LRRC7: variants seen among roughly 807,000 people sequenced by gnomAD.
LRRC7 encodes leucine rich repeat containing 7, also known as leucine-rich repeat-containing protein 7.
A neutral mutation model predicts 175.7 loss-of-function variants in LRRC7; 23 were observed. The observed-to-expected ratio is 0.13, with a 90% CI of 0.09 to 0.19. The LOEUF is 0.19. LRRC7 is among the 10% of genes least tolerant of loss of function. The probability of loss-of-function intolerance (pLI) is 1.00; values close to 1 mark genes in which losing one functional copy is unlikely to be tolerated. For missense variants in LRRC7, 1,354 were observed against 1,904.7 expected (o/e 0.71, Z 5.38); for synonymous variants, 685 against 680.9 (o/e 1.01, Z -0.09).
Position 70,144,212 on chromosome 1 carries a change from C to CA in LRRC7, c.*22329dup, listed in dbSNP as rs1667210630. 6.6e-6 allele frequency: 1 copy of CA among 152,148 alleles called. No individual in the cohort carries two copies. The highest frequency in any genetic ancestry group is 2.1e-4 in the South Asian group (1 of 4,826). The allele number at this position is 152,148 out of a possible 1,614,324, so 9.4% of individuals were successfully genotyped here. A position where few individuals can be genotyped will look rare whatever the true frequency, so the allele number is the denominator to read the frequency against. On this transcript the variant is annotated 3_prime_UTR_variant, in exon 27 of 27. Coordinates refer to ENST00000651989, the MANE Select transcript of LRRC7 (RefSeq NM_001370785.2). Reference sequence around the variant, plus strand: ...TTTGAAGATGCTTTCTGTACAGATACAAAATACAGGGACTAAAATAATGCT... The same window carrying CA: ...TTTGAAGATGCTTTCTGTACAGATACAAAAATACAGGGACTAAAATAATGCT...
Position 70,043,999 on chromosome 1 carries a change from T to G in LRRC7, c.4015T>G (p.Tyr1339Asp). 6.2e-7 allele frequency: 1 copy of G among 1,613,524 alleles called. No homozygotes were observed. The highest frequency in any genetic ancestry group is 8.5e-7 in the Non-Finnish European group (1 of 1,179,604). ...TACAGTTAACCTTGGCATGCTGCCC[T>G]ATGGAGGTATTTCAGCAATGCATGC... ...HNTVNLGMLP[Y>D]GGISAMHAGR... Residue 1339 changes from tyrosine (Y) to aspartate (D), a missense_variant, in exon 22 of 27, where the codon TAT becomes GAT. Physicochemically the swap from Tyr to Asp is radical, Grantham distance 160. Coordinates refer to ENST00000651989, the MANE Select transcript of LRRC7 (RefSeq NM_001370785.2).
intron 4 of LRRC7, among the ~76,000 whole-genome samples, chr1:69,814,436 C>A (rs932144390): frequency 6.6e-6 from 1 of 152,044 alleles, no homozygotes; most frequent in African/African-American, 2.4e-5. Context: ...ATAATTTTAT[C>A]TAGAATTTTT....
chr1:69,740,563 A>C (rs1668600680), intron 2 of LRRC7, among the ~76,000 whole-genome samples: 1 of 152,116 alleles, frequency 6.6e-6, no homozygotes, highest in Non-Finnish European at 1.5e-5. Flanking sequence ...AGATTTACGG[A>C]CAGCAAAAGG....
chr1:69,802,153 T>C (rs542743800), intron 4 of LRRC7, among the ~76,000 whole-genome samples: 3 of 151,510 alleles, frequency 2.0e-5, no homozygotes, highest in Non-Finnish European at 3.0e-5. Context: ...TCTATCTATA[T>C]TGGAGAATAC....
chr1:69,910,064 G>T (rs535579714), intron 7 of LRRC7, among the ~76,000 whole-genome samples: 1 of 151,870 alleles, frequency 6.6e-6, no homozygotes, highest in South Asian at 2.1e-4. Context: ...TGATCGCATC[G>T]GCTCCTGAGG....
At chr1:69,934,832 A>G (rs1276801748) in intron 8 of LRRC7, among the ~76,000 whole-genome samples, 1 of 151,934 alleles carries the variant, frequency 6.6e-6, no homozygotes, top group East Asian at 1.9e-4. Context: ...CCTAGTCTAG[A>G]CCCAGCTTCC....
At chr1:69,794,262 T>A (rs1465804434) in intron 4 of LRRC7, among the ~76,000 whole-genome samples, 1 of 149,668 alleles carries the variant, frequency 6.7e-6, no homozygotes. Context: ...AAGTAAAACA[T>A]GTTTCCTGAA....
chr1:69,845,141 C>T (rs1682204423), intron 7 of LRRC7, among the ~76,000 whole-genome samples: 1 of 151,968 alleles, frequency 6.6e-6, no homozygotes, highest in African/African-American at 2.4e-5. Flanking sequence ...TTCCCAGCTA[C>T]AAGGGAGGCT....
At chr1:69,740,655 G>T (rs747569372) in intron 2 of LRRC7, among the ~76,000 whole-genome samples, 5 of 152,046 alleles carry the variant, frequency 3.3e-5, no homozygotes, top group Non-Finnish European at 7.4e-5. Context: ...TTCGAACAGG[G>T]TTCGAGCAGT....
chr1:69,997,937 C>T (rs1403500058), intron 11 of LRRC7, among the ~76,000 whole-genome samples: 1 of 152,008 alleles, frequency 6.6e-6, no homozygotes, highest in Admixed American at 6.6e-5. Flanking sequence ...GGGAGGATTC[C>T]CTCTTTTTCT....
At chr1:69,678,245 G>A in intron 1 of LRRC7, 136 bp from the exon 2 acceptor site, 1 of 620,778 alleles carries the variant, frequency 1.6e-6, no homozygotes, top group Non-Finnish European at 2.9e-6. Flanking sequence ...CTCCCTGCCA[G>A]CTTGCTCCTT....
intron 23 of LRRC7, among the ~76,000 whole-genome samples, chr1:70,058,338 T>G (rs1359943874): frequency 2.0e-5 from 3 of 152,166 alleles, no homozygotes; most frequent in Admixed American, 2.0e-4. Flanking sequence ...TGTCTATTAG[T>G]ATTAAAAGTT....
chr1:69,807,098 A>G (rs1677207718), intron 4 of LRRC7, among the ~76,000 whole-genome samples: 2 of 152,006 alleles, frequency 1.3e-5, no homozygotes, highest in Non-Finnish European at 2.9e-5. Context: ...AGTATGTTTT[A>G]TCAGAGACTA....
intron 2 of LRRC7, among the ~76,000 whole-genome samples, chr1:69,726,035 GA>G (rs1666942944): frequency 6.6e-6 from 1 of 152,204 alleles, no homozygotes; most frequent in African/African-American, 2.4e-5. Flanking sequence ...TTAACCTAGA[GA>G]AAGATGGAAC....
At chr1:69,786,782 G>A (rs1674498508) in intron 3 of LRRC7, among the ~76,000 whole-genome samples, 1 of 152,106 alleles carries the variant, frequency 6.6e-6, no homozygotes. Flanking sequence ...TGGGAATTAT[G>A]GGAGCTACAA....
chr1:69,832,115 A>G lies in LRRC7; in HGVS notation c.501-2665A>G, dbSNP rs1335759965. 2.0e-5 allele frequency among the ~76,000 whole-genome samples: 3 copies of G among 152,224 alleles called. No homozygotes were observed. In the East Asian group the frequency reaches 5.8e-4, roughly 29 times the overall value. ...AGCAGTGTATTTGGGAGATAAGCCC[A>G]GGAAATACTTGTTGAGAGTGTTTTT... On this transcript the variant is annotated intron_variant, in intron 5 of 26. Coordinates refer to ENST00000651989, the MANE Select transcript of LRRC7 (RefSeq NM_001370785.2).
At chr1:70,052,909 A>G (rs1429543028) in intron 22 of LRRC7, 117 bp from the exon 23 acceptor site, 2 of 1,041,314 alleles carry the variant, frequency 1.9e-6, no homozygotes, top group Non-Finnish European at 2.7e-6. Flanking sequence ...TTCAGGATGT[A>G]TGTTTTTCTG....
At chr1:69,618,418 T>C (rs1309796756) in intron 1 of LRRC7, among the ~76,000 whole-genome samples, 2 of 152,164 alleles carry the variant, frequency 1.3e-5, no homozygotes, top group Admixed American at 1.3e-4. Flanking sequence ...TACCCAAAGT[T>C]CTTTCATCTT....
intron 10 of LRRC7, among the ~76,000 whole-genome samples, chr1:69,988,449 A>G (rs1394474812): frequency 6.6e-6 from 1 of 152,214 alleles, no homozygotes; most frequent in Non-Finnish European, 1.5e-5. Flanking sequence ...ATGTTTGCTT[A>G]AGAAGAATGA....
Sources: allele counts gnomAD v4.1 joint callset (sites outside exome capture counted in the v4.1 genomes callset), GRCh38; gene constraint gnomAD v4.1.1; transcripts MANE v1.5; gene names NCBI Gene and HGNC (gene_info 2026-07-23, HGNC 2026-07-21).